The following C8orf34 variants were observed in gnomAD, a reference collection of about 807,000 sequenced individuals.
C8orf34 encodes uncharacterized protein C8orf34.
C8orf34 carries 65 observed loss-of-function variants against 68.3 expected under a neutral mutation model. That is an observed-to-expected ratio of 0.95 (90% CI 0.78 to 1.17). The LOEUF is 1.17. C8orf34 is among the 50% of genes most tolerant of loss of function. C8orf34 has a pLI of 0.00. For synonymous variants in C8orf34, 244 were observed against 241.2 expected (o/e 1.01, Z -0.11); for missense variants, 664 against 655.4 (o/e 1.01, Z -0.14).
intron 1 of C8orf34, among the ~76,000 whole-genome samples, chr8:68,354,139 A>G (rs1256444695): frequency 6.6e-6 from 1 of 152,042 alleles, no homozygotes; most frequent in African/African-American, 2.4e-5. Context: ...AATTATTTCA[A>G]TGTTTTATAA....
At chr8:68,781,163 A>G (rs1823665113) in intron 11 of C8orf34, among the ~76,000 whole-genome samples, 1 of 152,226 alleles carries the variant, frequency 6.6e-6, no homozygotes, top group Non-Finnish European at 1.5e-5. Context: ...TGAGCAAAGA[A>G]GTAATTTTTT....
At chr8:68,741,074 C>A (rs1822276727) in intron 10 of C8orf34, among the ~76,000 whole-genome samples, 1 of 151,752 alleles carries the variant, frequency 6.6e-6, no homozygotes, top group Non-Finnish European at 1.5e-5. Context: ...TCACTGGGAC[C>A]TATCAGAGGG....
chr8:68,488,988 G>A (rs756157954), intron 5 of C8orf34, among the ~76,000 whole-genome samples: 11 of 150,000 alleles, frequency 7.3e-5, no homozygotes, highest in Non-Finnish European at 1.2e-4. Context: ...ACGAATTTAC[G>A]TTTTTTTTTA....
At chr8:68,757,230 C>T (rs564064600) in intron 10 of C8orf34, among the ~76,000 whole-genome samples, 1 of 152,248 alleles carries the variant, frequency 6.6e-6, no homozygotes, top group Admixed American at 6.5e-5. Flanking sequence ...AACAAGAGAG[C>T]TCTGCAGGTC....
intron 10 of C8orf34, among the ~76,000 whole-genome samples, chr8:68,765,432 T>C (rs1406824931): frequency 6.6e-6 from 1 of 152,168 alleles, no homozygotes; most frequent in East Asian, 1.9e-4. Flanking sequence ...AAAGAAATAA[T>C]GTACATAAAC....
At chr8:68,611,683 T>C (rs990363251) in intron 7 of C8orf34, among the ~76,000 whole-genome samples, 3 of 152,212 alleles carry the variant, frequency 2.0e-5, no homozygotes, top group Non-Finnish European at 1.5e-5. Context: ...CAGTATCAAC[T>C]AGTTTATAGA....
At chr8:68,513,975 G>A (rs1030536499) in intron 5 of C8orf34, among the ~76,000 whole-genome samples, 2 of 152,176 alleles carry the variant, frequency 1.3e-5, no homozygotes, top group Non-Finnish European at 2.9e-5. Context: ...AAGAGATTTT[G>A]AATCCCCATT....
At chr8:68,649,906 A>G (rs901660441) in intron 8 of C8orf34, among the ~76,000 whole-genome samples, 3 of 152,118 alleles carry the variant, frequency 2.0e-5, no homozygotes, top group African/African-American at 7.2e-5. Context: ...ATTTTTGCCT[A>G]TGGGGTTATA....
chr8:68,448,671 A>G (rs1379655404), intron 3 of C8orf34, among the ~76,000 whole-genome samples: 1 of 152,174 alleles, frequency 6.6e-6, no homozygotes, highest in Non-Finnish European at 1.5e-5. Flanking sequence ...GGACACCAAT[A>G]TTGTAAGTTG....
At chr8:68,573,290 G>A (rs573480930) in intron 7 of C8orf34, among the ~76,000 whole-genome samples, 4 of 152,214 alleles carry the variant, frequency 2.6e-5, no homozygotes, top group Non-Finnish European at 4.4e-5. Flanking sequence ...ATGACAGGGT[G>A]CCAGTTCTGA....
chr8:68,800,948 C>T (rs1250946379), intron 12 of C8orf34, among the ~76,000 whole-genome samples: 1 of 152,108 alleles, frequency 6.6e-6, no homozygotes, highest in South Asian at 2.1e-4. Flanking sequence ...AATGCATATG[C>T]AGAGGAGGGA....
intron 5 of C8orf34, among the ~76,000 whole-genome samples, chr8:68,503,382 T>C (rs1156342996): frequency 6.6e-6 from 1 of 152,200 alleles, no homozygotes; most frequent in African/African-American, 2.4e-5. Context: ...GTAGAAGCGA[T>C]GTGCCAGGTG....
chr8:68,774,593 G>A (rs960102116), intron 10 of C8orf34, among the ~76,000 whole-genome samples: 1 of 151,892 alleles, frequency 6.6e-6, no homozygotes, highest in Non-Finnish European at 1.5e-5. Context: ...GTGGAAATAT[G>A]ATTTAGGAAG....
At chr8:68,642,669 A>C (rs925840648) in intron 8 of C8orf34, among the ~76,000 whole-genome samples, 1 of 152,160 alleles carries the variant, frequency 6.6e-6, no homozygotes, top group African/African-American at 2.4e-5. Context: ...GAACTTAGAA[A>C]ATGTGACTAT....
At chr8:68,553,320 G>A (rs553455680) in intron 7 of C8orf34, among the ~76,000 whole-genome samples, 2 of 145,106 alleles carry the variant, frequency 1.4e-5, no homozygotes, top group South Asian at 4.3e-4. Context: ...GGGAGGCGGA[G>A]CTTGCAATGA....
At chr8:68,583,676 T>C (rs1449892350) in intron 7 of C8orf34, among the ~76,000 whole-genome samples, 2 of 152,200 alleles carry the variant, frequency 1.3e-5, no homozygotes, top group Non-Finnish European at 1.5e-5. Context: ...TCTACACTCA[T>C]GTCATCAACA....
chr8:68,480,743 G>C (rs760688821), intron 4 of C8orf34, among the ~76,000 whole-genome samples: 30 of 151,802 alleles, frequency 2.0e-4, no homozygotes, highest in Non-Finnish European at 3.8e-4. Context: ...AGAGATTTGT[G>C]GAACTTTGAA....
chr8:68,767,194 T>C (rs1233614320), intron 10 of C8orf34, among the ~76,000 whole-genome samples: 1 of 151,934 alleles, frequency 6.6e-6, no homozygotes, highest in Non-Finnish European at 1.5e-5. Flanking sequence ...AGACTCTGTC[T>C]CCAAATAAAT....
intron 7 of C8orf34, among the ~76,000 whole-genome samples, chr8:68,630,362 T>C (rs146099135): frequency 1.2e-4 from 18 of 152,254 alleles, no homozygotes; most frequent in Admixed American, 4.6e-4. Context: ...TTATTTGTAT[T>C]ATTTCTTTGA....
Sources: gnomAD v4.1 joint callset for allele counts (sites outside exome capture counted in the v4.1 genomes callset) on GRCh38, gnomAD v4.1.1 for gene constraint, MANE v1.5 for transcripts, NCBI Gene and HGNC (gene_info 2026-07-23, HGNC 2026-07-21) for gene names.